Variants in TBC1D16 observed in about 807,000 individuals in gnomAD.
TBC1D16 encodes the protein TBC1 domain family member 16, also known as CTD-2529O21.1.
TBC1D16 carries 58 observed loss-of-function variants against 74.7 expected under a neutral mutation model. That is an observed-to-expected ratio of 0.78 (90% CI 0.63 to 0.97). The LOEUF (loss-of-function observed/expected upper bound fraction) is 0.97, where lower values mean the gene tolerates loss of function less well. Ranked by LOEUF, TBC1D16 falls within the 50% of genes least tolerant of loss-of-function variation. The probability of loss-of-function intolerance (pLI) is 0.00; values close to 1 mark genes in which losing one functional copy is unlikely to be tolerated. For missense variants in TBC1D16, 1,014 were observed against 1,079.5 expected (o/e 0.94, Z 0.85); for synonymous variants, 493 against 474.7 (o/e 1.04, Z -0.50).
intron 3 of TBC1D16, among the ~76,000 whole-genome samples, chr17:79,962,553 T>C (rs1236829604): frequency 6.6e-6 from 1 of 152,038 alleles, no homozygotes; most frequent in Non-Finnish European, 1.5e-5. Context: ...AGGTATTAAA[T>C]ATATTTCTAA....
chr17:80,023,324 G>C (rs921450242), intron 1 of TBC1D16, among the ~76,000 whole-genome samples: 3 of 149,816 alleles, frequency 2.0e-5, no homozygotes, highest in Non-Finnish European at 4.4e-5. Context: ...TATTGCGAAC[G>C]GGCTCCAGCG....
rs144389790 is a variant in TBC1D16, at chr17:79,956,309, G to A, written c.780-3491C>T. The stretch of plus-strand genomic sequence containing the variant: ...CCCTCTATCCCCCTGGCTGAAGTGC[G>A]GTGGTGCAAACACAACTCACCGCAG... On this transcript the variant is annotated intron_variant, in intron 3 of 11. Coordinates refer to ENST00000310924, the MANE Select transcript of TBC1D16 (RefSeq NM_019020.4). This position sits in a 1 kb window ranked among gnomAD's most constrained non-coding sequence, Gnocchi z 4.0. 4.5e-3 allele frequency among the ~76,000 whole-genome samples: 678 copies of A among 152,298 alleles called. 5 individuals are homozygous for A. The highest frequency in any genetic ancestry group is 0.015 in the African/African-American group (643 of 41,554).
At position 79,950,384 on chromosome 17, in the gene TBC1D16, G is replaced by T. The variant is rs969880142; in HGVS notation, c.1257+27C>A. On this transcript the variant is annotated intron_variant, in intron 6 of 11. Transcript: ENST00000310924. The surrounding 1 kb of genome is among the most constrained non-coding windows in gnomAD (Gnocchi z 4.6). ...CCGGTTCCCGGCCGGCTCTCCGCGG[G>T]GCCAGCTGGGCGGACCCGGACCTCA... The T allele has an allele frequency of 6.3e-7, 1 of 1,577,872 alleles. No homozygotes were observed. Among genetic ancestry groups the T allele is most frequent in the Admixed American group, 1.8e-5 (1 of 56,524 alleles).
rs374079574 is a variant in TBC1D16 at position 79,978,529 on chromosome 17, G to A, written c.780-25711C>T. On this transcript the variant is annotated intron_variant, in intron 3 of 11. Transcript: ENST00000310924. Reference sequence around the variant, plus strand: ...GAGAGAATGTACCAGGCCTTTGAGTGCTGTTTCTGTTTTAATTTTTTCTTA... The same window carrying A: ...GAGAGAATGTACCAGGCCTTTGAGTACTGTTTCTGTTTTAATTTTTTCTTA... 3.6e-4 allele frequency among the ~76,000 whole-genome samples: 55 copies of A among 152,324 alleles called. 1 individual carries two copies. In the East Asian group the frequency reaches 9.1e-3, roughly 25 times the overall value.
rs2033626361 is a variant in TBC1D16, at chr17:79,961,802, G to T, written c.780-8984C>A. Among the ~76,000 whole-genome samples, 1 of 152,206 alleles carries T rather than the reference G, an allele frequency of 6.6e-6. No homozygotes were observed. Among genetic ancestry groups the T allele is most frequent in the African/African-American group, 2.4e-5 (1 of 41,454 alleles). On this transcript the variant is annotated intron_variant, in intron 3 of 11. Transcript: ENST00000310924. The surrounding 1 kb of genome is among the most constrained non-coding windows in gnomAD (Gnocchi z 4.8). Reference sequence around the variant, plus strand: ...TGCTTGAACCCTGGAGGCAGAGGTTGCAGTGAGCCAAGATCACGAGACTGC... The same window carrying T: ...TGCTTGAACCCTGGAGGCAGAGGTTTCAGTGAGCCAAGATCACGAGACTGC...
At chr17:79,967,226 G>C (rs1031654855) in intron 3 of TBC1D16, among the ~76,000 whole-genome samples, 2 of 151,642 alleles carry the variant, frequency 1.3e-5, no homozygotes, top group African/African-American at 4.8e-5. Flanking sequence ...AATTAGGCAA[G>C]ATAAAGAAAT....
intron 3 of TBC1D16, among the ~76,000 whole-genome samples, chr17:79,997,682 C>T (rs889125622): frequency 2.0e-5 from 3 of 152,196 alleles, no homozygotes; most frequent in African/African-American, 7.2e-5. Context: ...TTGCGTGGTA[C>T]ATTTGCTGTA....
At position 80,022,095 on chromosome 17, in the gene TBC1D16, T is replaced by A. The variant is rs1159503075; in HGVS notation, c.-62-8486A>T. ...AATATAATCCTTTCCAAGCTAAAGA[T>A]CGTTAAACATTGGTCTATATTTTCT... On this transcript the variant is annotated intron_variant, in intron 1 of 11. Transcript: ENST00000310924. Among the ~76,000 whole-genome samples, 3 of 149,928 alleles carry A rather than the reference T, an allele frequency of 2.0e-5. 1 individual carries two copies. Among genetic ancestry groups the A allele is most frequent in the African/African-American group, 5.1e-5 (2 of 39,282 alleles).
At chr17:80,022,371 T>C (rs1427746049) in intron 1 of TBC1D16, among the ~76,000 whole-genome samples, 1 of 149,878 alleles carries the variant, frequency 6.7e-6, no homozygotes, top group Admixed American at 6.6e-5. Flanking sequence ...TTCTCTCTTG[T>C]TGCCCAGGCT....
In TBC1D16 at chr17:79,947,665, C is replaced by T. The variant is rs1162167953; in HGVS notation, c.1708G>A (p.Glu570Lys). Reference sequence around the variant, plus strand: ...CTCACCAGTTGTTTCTCCATGTCCTCGTCCCGGGGTGAGCTGACGAAGATC... The same window carrying T: ...CTCACCAGTTGTTTCTCCATGTCCTTGTCCCGGGGTGAGCTGACGAAGATC... ...NTIFVSSPRD[E>K]DMEKQLLYLR... The change falls in exon 9 of 12, where the codon GAG becomes AAG. Residue 570 changes from glutamate (E) to lysine (K), a missense_variant. Glu to Lys is a moderately conservative substitution (Grantham distance 56, BLOSUM62 1). Transcript: ENST00000310924. 3.7e-6 allele frequency: 6 copies of T among 1,614,138 alleles called. No homozygotes were observed. The highest frequency in any genetic ancestry group is 1.3e-5 in the African/African-American group (1 of 75,060).
chr17:79,956,546 G>A lies in TBC1D16; in HGVS notation c.780-3728C>T, dbSNP rs1410641936. ...TGGGACTACAGGCGTGAGCCACCAC[G>A]CTGGGCCCGGTGGTCGCTTTAAGTT... is the stretch of plus-strand genomic sequence containing the variant. On this transcript the variant is annotated intron_variant, in intron 3 of 11. Coordinates refer to ENST00000310924, the MANE Select transcript of TBC1D16 (RefSeq NM_019020.4). The surrounding 1 kb of genome is among the most constrained non-coding windows in gnomAD (Gnocchi z 4.0). Among the ~76,000 whole-genome samples, 1 of 152,154 alleles carries A rather than the reference G, an allele frequency of 6.6e-6. No individual in the cohort carries two copies. Among genetic ancestry groups the A allele is most frequent in the African/African-American group, 2.4e-5 (1 of 41,428 alleles).
At chr17:80,027,220 C>T (rs2036608662) in intron 1 of TBC1D16, among the ~76,000 whole-genome samples, 1 of 152,134 alleles carries the variant, frequency 6.6e-6, no homozygotes, top group Non-Finnish European at 1.5e-5. Flanking sequence ...CTAACAGTTT[C>T]GGGAGTCCGA....
chr17:79,995,739 C>T (rs536629668), intron 3 of TBC1D16, among the ~76,000 whole-genome samples: 28 of 151,998 alleles, frequency 1.8e-4, no homozygotes, highest in Admixed American at 7.9e-4. Context: ...GAGCCGAGAT[C>T]GCGCCCCTGC....
chr17:79,982,651 G>C (rs1262149313), intron 3 of TBC1D16, among the ~76,000 whole-genome samples: 1 of 150,016 alleles, frequency 6.7e-6, no homozygotes, highest in Non-Finnish European at 1.5e-5. Context: ...TCAGGACTTT[G>C]AGACCAGCCT....
At chr17:80,018,278 C>T (rs2036163851) in intron 1 of TBC1D16, among the ~76,000 whole-genome samples, 1 of 136,432 alleles carries the variant, frequency 7.3e-6, no homozygotes, top group Non-Finnish European at 1.5e-5. Context: ...AACATTATTT[C>T]TTTATTTTTT....
At chr17:79,991,036 G>A (rs976065884) in intron 3 of TBC1D16, among the ~76,000 whole-genome samples, 1 of 152,236 alleles carries the variant, frequency 6.6e-6, no homozygotes, top group Admixed American at 6.5e-5. Context: ...TACTGTGGAC[G>A]GTGCTGCTAT....
At position 80,010,187 on chromosome 17, in the gene TBC1D16, C is replaced by A. The variant is rs745664199; in HGVS notation, c.752G>T (p.Gly251Val). ...PISAALAESR[G>V]SVFLESDSSP... ...GCTGTCACTTTCCAGAAACACGGAG[C>A]CGCGGCTCTCGGCCAGCGCCGCGCT... Residue 251 changes from glycine to valine, a missense_variant, in exon 3 of 12, where the codon GGC becomes GTC. Physicochemically the swap from Gly to Val is moderately radical, Grantham distance 109. Transcript: ENST00000310924. This position sits in a 1 kb window ranked among gnomAD's most constrained non-coding sequence, Gnocchi z 8.8. 1 of 1,611,626 alleles carries A rather than the reference C, an allele frequency of 6.2e-7. No individual in the cohort carries two copies. The highest frequency in any genetic ancestry group is 1.1e-5 in the South Asian group (1 of 90,836).
In TBC1D16 at chr17:79,983,359, C is replaced by T. The variant is rs750703701; in HGVS notation, c.779+26801G>A. Among the ~76,000 whole-genome samples the T allele has an allele frequency of 9.2e-5, 14 of 152,200 alleles. No homozygotes were observed. The highest frequency in any genetic ancestry group is 1.9e-4 in the African/African-American group (8 of 41,450). On this transcript the variant is annotated intron_variant, in intron 3 of 11. Coordinates refer to ENST00000310924, the MANE Select transcript of TBC1D16 (RefSeq NM_019020.4). The surrounding 1 kb of genome is among the most constrained non-coding windows in gnomAD (Gnocchi z 5.6). ...CACATTGCAGGGCCCAGGGGCCCCT[C>T]GGAGGGGCTCCTGTCCCTCTGCACC...
At position 80,002,405 on chromosome 17, in the gene TBC1D16, G is replaced by A. The variant is rs2035525332; in HGVS notation, c.779+7755C>T. On this transcript the variant is annotated intron_variant, in intron 3 of 11. Transcript: ENST00000310924. ...TATTACTGCCTCGCACGCCCTGCGG[G>A]GTGGGCTGGCACCTGCCAGGGAAGC... Among the ~76,000 whole-genome samples, 3 of 152,368 alleles carry A rather than the reference G, an allele frequency of 2.0e-5. No individual in the cohort carries two copies. The South Asian group carries it at 6.2e-4, about 32-fold the overall frequency.
Sources: allele counts gnomAD v4.1 joint callset (sites outside exome capture counted in the v4.1 genomes callset), GRCh38; gene constraint gnomAD v4.1.1; non-coding constraint Gnocchi (gnomAD v3.1); transcripts MANE v1.5; gene names NCBI Gene and HGNC (gene_info 2026-07-23, HGNC 2026-07-21).